The following UNC13C variants were observed in gnomAD, a reference collection of about 807,000 sequenced individuals.
UNC13C encodes protein unc-13 homolog C.
Under a neutral mutation model 245.4 loss-of-function variants are expected in UNC13C, and 174 were observed. The ratio of observed to expected loss-of-function variants is 0.71; its 90% CI spans 0.63 to 0.80. UNC13C has a LOEUF of 0.80. Among genes scored for constraint, UNC13C ranks in the 30% least tolerant of loss-of-function variants. The probability of loss-of-function intolerance (pLI) is 0.00; values close to 1 mark genes in which losing one functional copy is unlikely to be tolerated. For synonymous variants in UNC13C, 992 were observed against 895.1 expected, an observed-to-expected ratio of 1.11 and a Z score of -1.93; for missense variants, 2,829 against 2,602.9, an observed-to-expected ratio of 1.09 and a Z score of -1.89.
At chr15:54,146,861 T>A (rs2032281370) in intron 4 of UNC13C, among the ~76,000 whole-genome samples, 1 of 152,194 alleles carries the variant, frequency 6.6e-6, no homozygotes, top group Non-Finnish European at 1.5e-5. Context: ...GACACAGTTC[T>A]TAGGTTTGCA....
chr15:54,309,374 A>G (rs1258316277), intron 13 of UNC13C, among the ~76,000 whole-genome samples: 1 of 151,670 alleles, frequency 6.6e-6, no homozygotes, highest in African/African-American at 2.4e-5. Flanking sequence ...CTGTTTAATT[A>G]TTTGAGTTCC....
chr15:54,604,949 T>TAAAAAA (rs1899683602), intron 30 of UNC13C, among the ~76,000 whole-genome samples: 1 of 61,140 alleles, frequency 1.6e-5, no homozygotes, highest in Non-Finnish European at 3.7e-5. Context: ...CCCTGCAACT[T>TAAAAAA]AAAAAATAAA....
the UNC13C span, among the ~76,000 whole-genome samples, chr15:53,867,518 G>T: frequency 2.0e-5 from 3 of 152,138 alleles, no homozygotes; most frequent in Admixed American, 2.0e-4. Flanking sequence ...TAATTCTGAA[G>T]GCTCGAGGTA....
intron 14 of UNC13C, among the ~76,000 whole-genome samples, chr15:54,322,455 C>T (rs2038188233): frequency 6.6e-6 from 1 of 151,940 alleles, no homozygotes; most frequent in Non-Finnish European, 1.5e-5. Context: ...TAAGTGTGAG[C>T]TTGGCTGCCA....
chr15:54,473,922 C>A (rs1596445540), intron 19 of UNC13C, among the ~76,000 whole-genome samples: 3 of 151,898 alleles, frequency 2.0e-5, no homozygotes, highest in African/African-American at 7.2e-5. Flanking sequence ...ATCTATCATT[C>A]CACTCTCTAC....
chr15:54,106,456 G>A (rs966599781), intron 2 of UNC13C, among the ~76,000 whole-genome samples: 1 of 152,170 alleles, frequency 6.6e-6, no homozygotes, highest in Non-Finnish European at 1.5e-5. Flanking sequence ...CTCTTAAAAA[G>A]TGATTCAGAT....
chr15:53,996,284 C>G (rs760249449), intron 1 of UNC13C, among the ~76,000 whole-genome samples: 4 of 152,038 alleles, frequency 2.6e-5, no homozygotes, highest in Non-Finnish European at 5.9e-5. Flanking sequence ...AACTTCAGTT[C>G]GTCTTTAATC....
At chr15:54,210,518 A>G (rs953401916) in intron 4 of UNC13C, among the ~76,000 whole-genome samples, 14 of 152,040 alleles carry the variant, frequency 9.2e-5, no homozygotes, top group Non-Finnish European at 1.2e-4. Flanking sequence ...ATAGTTTTAT[A>G]TATTTTGGTT....
chr15:53,879,880 G>C, the UNC13C span, among the ~76,000 whole-genome samples: 53 of 152,162 alleles, frequency 3.5e-4, no homozygotes, highest in Non-Finnish European at 4.9e-4. Flanking sequence ...ATTATTATTA[G>C]ATACAAGCCA....
intron 2 of UNC13C, among the ~76,000 whole-genome samples, chr15:54,056,522 T>G (rs569275778): frequency 3.4e-4 from 52 of 152,262 alleles, no homozygotes; most frequent in African/African-American, 1.3e-3. Flanking sequence ...TGGAACCAAG[T>G]TGGAAAACAT....
chr15:53,942,904 C>T, the UNC13C span, among the ~76,000 whole-genome samples: 1 of 152,242 alleles, frequency 6.6e-6, no homozygotes, highest in Non-Finnish European at 1.5e-5. Flanking sequence ...CTCAAGTGAT[C>T]CACCTGCCTT....
At chr15:54,111,714 G>T (rs566418260) in intron 2 of UNC13C, among the ~76,000 whole-genome samples, 4 of 152,244 alleles carry the variant, frequency 2.6e-5, no homozygotes, top group Admixed American at 2.6e-4. Flanking sequence ...CTCATCAAAG[G>T]ATTGCATGAT....
intron 19 of UNC13C, among the ~76,000 whole-genome samples, chr15:54,434,761 G>A (rs1172963395): frequency 6.6e-6 from 1 of 152,062 alleles, no homozygotes; most frequent in African/African-American, 2.4e-5. Context: ...AAGAGCTTCT[G>A]CACAGCAAAA....
the UNC13C span, chr15:53,948,488 C>A: frequency 6.6e-6 from 1 of 151,968 alleles, no homozygotes; most frequent in Non-Finnish European, 1.5e-5. Flanking sequence ...GTCACAGGCA[C>A]CTGTAATCCC....
intron 2 of UNC13C, among the ~76,000 whole-genome samples, chr15:54,103,065 G>T (rs934191): frequency 0.74 from 112,309 of 152,142 alleles, 41,658 homozygotes; most frequent in East Asian, 0.89. Flanking sequence ...TCTGGCAGTT[G>T]CTGAGGGTAC....
At chr15:53,892,206 C>T in the UNC13C span, among the ~76,000 whole-genome samples, 4 of 152,336 alleles carry the variant, frequency 2.6e-5, no homozygotes, top group African/African-American at 4.8e-5. Context: ...TATTGGCCCC[C>T]GCTCTCCTCT....
At chr15:54,218,862 C>T (rs1294539843) in intron 4 of UNC13C, among the ~76,000 whole-genome samples, 1 of 151,712 alleles carries the variant, frequency 6.6e-6, no homozygotes, top group African/African-American at 2.4e-5. Flanking sequence ...ATTTTTAATA[C>T]ATTATAAAAA....
chr15:54,460,520 C>T (rs1257520836), intron 19 of UNC13C, among the ~76,000 whole-genome samples: 1 of 152,184 alleles, frequency 6.6e-6, no homozygotes, highest in Non-Finnish European at 1.5e-5. Flanking sequence ...GTTGGTTGGC[C>T]TCCAGCCAGG....
chr15:54,096,702 C>T (rs1252365869), intron 2 of UNC13C, among the ~76,000 whole-genome samples: 1 of 152,152 alleles, frequency 6.6e-6, no homozygotes, highest in African/African-American at 2.4e-5. Flanking sequence ...TCCGACCTTT[C>T]TCTCCAACCC....
Sources: gnomAD v4.1 joint callset for allele counts (sites outside exome capture counted in the v4.1 genomes callset) on GRCh38, gnomAD v4.1.1 for gene constraint, MANE v1.5 for transcripts, NCBI Gene and HGNC (gene_info 2026-07-23, HGNC 2026-07-21) for gene names.